Variants in PCTP observed in about 807,000 individuals in gnomAD.
The protein encoded by PCTP is phosphatidylcholine transfer protein.
PCTP carries 27 observed loss-of-function variants against 31.0 expected under a neutral mutation model. The observed-to-expected ratio is 0.87, with a 90% confidence interval of 0.64 to 1.20. PCTP has a LOEUF of 1.20. PCTP is among the 50% of genes most tolerant of loss of function. The pLI is 0.00. For missense variants in PCTP, 287 were observed against 268.2 expected (o/e 1.07, Z -0.49); for synonymous variants, 108 against 101.2 (o/e 1.07, Z -0.40).
chr17:55,788,745 G>A (rs1262550782), intron 3 of PCTP, among the ~76,000 whole-genome samples: 2 of 152,108 alleles, frequency 1.3e-5, no homozygotes, highest in East Asian at 3.8e-4. Context: ...CAACTTTTCT[G>A]TATATCTGAA....
At chr17:55,825,685 A>G (rs1163399450), downstream of PCTP, among the ~76,000 whole-genome samples, 1 of 152,232 alleles carries the variant, frequency 6.6e-6, no homozygotes, top group Non-Finnish European at 1.5e-5. Flanking sequence ...CTTCCTTGCA[A>G]CAATGAAAAC....
intron 5 of PCTP, among the ~76,000 whole-genome samples, chr17:55,838,130 G>A (rs545636751): frequency 4.2e-4 from 64 of 152,238 alleles, no homozygotes; most frequent in Non-Finnish European, 7.8e-4. Context: ...GACAGAACAA[G>A]ACCCTGTCTC....
Position 55,776,127 on chromosome 17 carries a change from A to G in PCTP, c.*27A>G, listed in dbSNP as rs758264699. 7.4e-6 allele frequency: 12 copies of G among 1,613,240 alleles called. No homozygotes were observed. In the African/African-American group the frequency reaches 1.3e-4, roughly 18 times the overall value. ...AAAGAGAACTGGGAACATTGCATCCATGGGTTGATGTCTCTGGAAGTGCAA... is the reference window on the plus strand; with the variant it reads ...AAAGAGAACTGGGAACATTGCATCCGTGGGTTGATGTCTCTGGAAGTGCAA... On this transcript the variant is annotated 3_prime_UTR_variant, in exon 6 of 6. Coordinates refer to ENST00000268896, the MANE Select transcript of PCTP (RefSeq NM_021213.4).
intron 1 of PCTP, among the ~76,000 whole-genome samples, chr17:55,753,345 T>A (rs1296854324): frequency 6.6e-6 from 1 of 152,226 alleles, no homozygotes; most frequent in Non-Finnish European, 1.5e-5. Flanking sequence ...TTCAGTGGCC[T>A]ATTGATTGCA....
At chr17:55,806,023 C>T (rs1387928106) in intron 3 of PCTP, among the ~76,000 whole-genome samples, 1 of 151,960 alleles carries the variant, frequency 6.6e-6, no homozygotes, top group Admixed American at 6.6e-5. Context: ...CAGGCTAATA[C>T]AGGGTGGGTT....
chr17:55,765,993 A>C (rs1910624774), intron 1 of PCTP, among the ~76,000 whole-genome samples: 1 of 152,106 alleles, frequency 6.6e-6, no homozygotes, highest in Non-Finnish European at 1.5e-5. Flanking sequence ...ATAAATGTTA[A>C]CTCTCATAGA....
At chr17:55,835,511 T>G (rs34265716) in intron 5 of PCTP, among the ~76,000 whole-genome samples, 16,847 of 152,236 alleles carry the variant, frequency 0.11, 1,199 homozygotes, top group East Asian at 0.35. Context: ...GATTTTGATA[T>G]CCTTTACTAT....
intron 1 of PCTP, among the ~76,000 whole-genome samples, chr17:55,758,456 T>C (rs1370762716): frequency 6.6e-6 from 1 of 152,200 alleles, no homozygotes; most frequent in East Asian, 1.9e-4. Context: ...GATTTCACTC[T>C]ATAGATGTGA....
chr17:55,768,169 C>T (rs1910793049), intron 2 of PCTP, among the ~76,000 whole-genome samples: 2 of 152,052 alleles, frequency 1.3e-5, no homozygotes, highest in African/African-American at 4.8e-5. Flanking sequence ...ATAGTGCTTC[C>T]TATTAAATTT....
rs1913025080 is a variant in PCTP, at chr17:55,819,024, A to C, written c.318-3737A>C. ...TGGAAAGAAATCAAAAAAAAAAAAA[A>C]AAAAAAAAAAAAAGAAAAGGAAAGA... is the stretch of plus-strand genomic sequence containing the variant. On this transcript the variant is annotated intron_variant, in intron 3 of 3. Coordinates refer to the PCTP transcript ENST00000572536. Among the ~76,000 whole-genome samples the C allele has an allele frequency of 6.6e-5, 10 of 150,828 alleles. No homozygotes were observed. In the South Asian group the frequency reaches 2.1e-3, roughly 31 times the overall value.
chr17:55,815,080 G>A (rs1052864373), intron 3 of PCTP, among the ~76,000 whole-genome samples: 9 of 152,152 alleles, frequency 5.9e-5, no homozygotes, highest in African/African-American at 2.2e-4. Context: ...TAATCTCTTT[G>A]TAAACTTCTC....
At chr17:55,758,703 G>T (rs763806207) in intron 1 of PCTP, among the ~76,000 whole-genome samples, 1 of 152,136 alleles carries the variant, frequency 6.6e-6, no homozygotes, top group Non-Finnish European at 1.5e-5. Context: ...ATAGACCAAG[G>T]CCAGCTCCTT....
intron 3 of PCTP, among the ~76,000 whole-genome samples, chr17:55,789,026 G>A (rs1911855441): frequency 6.6e-6 from 1 of 152,140 alleles, no homozygotes; most frequent in African/African-American, 2.4e-5. Context: ...CTCTGGATAA[G>A]TCATTTAATG....
the PCTP span, among the ~76,000 whole-genome samples, chr17:55,851,352 C>G: frequency 6.6e-6 from 1 of 152,048 alleles, no homozygotes; most frequent in Non-Finnish European, 1.5e-5. Context: ...TAGAATATTT[C>G]TAAAACAGAG....
At chr17:55,815,032 A>G (rs1912872528) in intron 3 of PCTP, among the ~76,000 whole-genome samples, 1 of 152,236 alleles carries the variant, frequency 6.6e-6, no homozygotes, top group Non-Finnish European at 1.5e-5. Flanking sequence ...CTTACTGAGT[A>G]AACTAAGCCT....
At chr17:55,778,377 C>T (rs1911440195), downstream of PCTP, among the ~76,000 whole-genome samples, 1 of 152,096 alleles carries the variant, frequency 6.6e-6, no homozygotes, top group South Asian at 2.1e-4. Context: ...TTTCCCATAT[C>T]TGTGTTTCCA....
rs763399310 is a variant in PCTP at position 55,774,848 on chromosome 17, T to C, written c.568T>C (p.Trp190Arg). 7.7e-7 allele frequency: 1 copy of C among 1,303,312 alleles called. No individual in the cohort carries two copies. The highest frequency in any genetic ancestry group is 1.8e-5 in the African/African-American group (1 of 54,922). The allele number at this position is 1,303,312 out of a possible 1,614,324, so 80.7% of individuals were successfully genotyped here. The change falls in exon 5 of 6, where the codon TGG becomes CGG. Residue 190 changes from tryptophan (W) to arginine (R), a missense_variant. Coordinates refer to ENST00000268896, the MANE Select transcript of PCTP (RefSeq NM_021213.4). The part of the protein sequence containing the change: ...GGQIPSWLIN[W>R]AAKNGVPNFL... ...CCAAATTCCGTCCTGGCTCATTAAC[T>C]GGGCCGCCAAGGTGAGATCCCAGGA...
At chr17:55,845,456 C>G (rs1236836570), downstream of PCTP, among the ~76,000 whole-genome samples, 1 of 152,224 alleles carries the variant, frequency 6.6e-6, no homozygotes, top group Non-Finnish European at 1.5e-5. Flanking sequence ...CGGGCCTCAG[C>G]GACTCTGCGG....
chr17:55,834,052 C>T (rs1024685568), intron 5 of PCTP, among the ~76,000 whole-genome samples: 31 of 152,024 alleles, frequency 2.0e-4, no homozygotes, highest in Admixed American at 1.6e-3. Flanking sequence ...GTGTATCTCA[C>T]GAAACACAAG....
Sources: gnomAD v4.1 joint callset for allele counts (sites outside exome capture counted in the v4.1 genomes callset) on GRCh38, gnomAD v4.1.1 for gene constraint, MANE v1.5 for transcripts, NCBI Gene and HGNC (gene_info 2026-07-23, HGNC 2026-07-21) for gene names.